The following TSC2 variants were observed in gnomAD, a reference collection of about 807,000 sequenced individuals.
TSC2 encodes the protein tuberin.
A neutral mutation model predicts 202.2 loss-of-function variants in TSC2; 29 were observed. The observed-to-expected ratio is 0.14, with a 90% CI of 0.11 to 0.20. TSC2 has a LOEUF of 0.20. TSC2 is among the 10% of genes least tolerant of loss of function. The pLI, the probability that TSC2 is intolerant of heterozygous loss-of-function variation, is 1.00. For synonymous variants in TSC2, 1,349 were observed against 1,044.0 expected (o/e 1.29, Z -5.63); for missense variants, 2,429 against 2,420.0 (o/e 1.00, Z -0.08).
intron 6 of TSC2, chr16:2,055,887 T>G (rs1273248982): frequency 4.1e-5 from 17 of 419,148 alleles, no homozygotes; most frequent in Admixed American, 7.6e-5. Context: ...CAAAACTCCA[T>G]CTCAAAAAAA....
At position 2,062,019 on chromosome 16, in the gene TSC2, CT is replaced by C; in HGVS notation, c.1257+12del. 1 of 1,614,034 alleles carries C rather than the reference CT, an allele frequency of 6.2e-7. No individual in the cohort carries two copies. Among genetic ancestry groups the C allele is most frequent in the Non-Finnish European group, 8.5e-7 (1 of 1,179,998 alleles). Reference sequence around the variant, plus strand: ...GCGGACCAGAGGCCTGTGAGACCCCCTCCTGGGTGGGGCCTTTGGGCTTTGG... The same window carrying C: ...GCGGACCAGAGGCCTGTGAGACCCCCCCTGGGTGGGGCCTTTGGGCTTTGG... On this transcript the variant is annotated intron_variant, in intron 12 of 41. Transcript: ENST00000219476.
chr16:2,076,305 T>G, intron 24 of TSC2, 135 bp downstream of exon 24: 2 of 1,560,222 alleles, frequency 1.3e-6, no homozygotes. Flanking sequence ...CCTGTGGCGC[T>G]GGGGGCTCTG....
In TSC2 at chr16:2,088,145, T is replaced by C. The variant is rs1567130441; in HGVS notation, c.5160+6T>C. 1 of 1,612,656 alleles carries C rather than the reference T, an allele frequency of 6.2e-7. No individual in the cohort carries two copies. Among genetic ancestry groups the C allele is most frequent in the Non-Finnish European group, 8.5e-7 (1 of 1,179,944 alleles). On this transcript the variant is annotated splice_donor_region_variant and intron_variant, in intron 40 of 41. Transcript: ENST00000219476. Reference sequence around the variant, plus strand: ...AGATGGCCCTGCACGCAAATGTGAGTGGGGGTGGGTCCAGGCGTGAGCTGG... The same window carrying C: ...AGATGGCCCTGCACGCAAATGTGAGCGGGGGTGGGTCCAGGCGTGAGCTGG...
intron 16 of TSC2, 72 bp from the exon 17 acceptor site, chr16:2,070,384 G>A (rs770942926): frequency 2.0e-5 from 32 of 1,612,416 alleles, no homozygotes; most frequent in African/African-American, 8.0e-5. Flanking sequence ...CCCCTGCTCC[G>A]GGACAAGGGT....
Position 2,074,265 on chromosome 16 carries a change from C to T in TSC2, c.2421C>T (p.Ala807=), listed in dbSNP as rs1060504089. 1.2e-6 allele frequency: 2 copies of T among 1,613,104 alleles called. No homozygotes were observed. Among genetic ancestry groups the T allele is most frequent in the Admixed American group, 1.7e-5 (1 of 60,024 alleles). The change falls in exon 22 of 42, where the codon GCC becomes GCT. Residue 807 remains alanine (A), a synonymous_variant. Transcript: ENST00000219476. ...IHRCASQCVV[A]LSICSVEMPD... is the part of the protein sequence containing the mutation. Reference sequence around the variant, plus strand: ...GCTGTGCCAGCCAGTGCGTCGTGGCCTTGTCCATCTGCAGCGTGGAGATGC... The same window carrying T: ...GCTGTGCCAGCCAGTGCGTCGTGGCTTTGTCCATCTGCAGCGTGGAGATGC...
At chr16:2,048,213 A>G (rs1479113048) in intron 1 of TSC2, 148 bp downstream of exon 1, 2 of 1,507,804 alleles carry the variant, frequency 1.3e-6, no homozygotes, top group Non-Finnish European at 9.0e-7. Flanking sequence ...GTTTTAAGTC[A>G]TGGCGGGTGC....
Position 2,084,732 on chromosome 16 carries a change from C to T in TSC2, c.4493+17C>T, listed in dbSNP as rs45517345. 475 of 1,598,292 alleles carry T rather than the reference C, an allele frequency of 3.0e-4. No homozygotes were observed. Among genetic ancestry groups the T allele is most frequent in the East Asian group, 1.2e-3 (53 of 44,884 alleles). On this transcript the variant is annotated intron_variant, in intron 34 of 41. Coordinates refer to ENST00000219476, the MANE Select transcript of TSC2 (RefSeq NM_000548.5). Reference sequence around the variant, plus strand: ...CAACCCCAGGTGGGCCTCTTGCTTCCGGGCGGGGCTCCTGACACCTCTCCT... The same window carrying T: ...CAACCCCAGGTGGGCCTCTTGCTTCTGGGCGGGGCTCCTGACACCTCTCCT...
intron 25 of TSC2, 31 bp downstream of exon 25, chr16:2,076,616 G>C (rs746799149): frequency 3.7e-6 from 6 of 1,609,730 alleles, no homozygotes; most frequent in Non-Finnish European, 5.1e-6. Flanking sequence ...CCTGGAGTCG[G>C]TGTGGGGTGG....
intron 10 of TSC2, 91 bp from the exon 11 acceptor site, chr16:2,060,579 G>C: frequency 6.2e-7 from 1 of 1,604,918 alleles, no homozygotes; most frequent in East Asian, 2.2e-5. Flanking sequence ...GCGCTCAGGC[G>C]TGCTACTCTC....
intron 2 of TSC2, among the ~76,000 whole-genome samples, chr16:2,050,050 G>C (rs2084910469): frequency 6.6e-6 from 1 of 151,322 alleles, no homozygotes; most frequent in South Asian, 2.1e-4. Context: ...CCGCCTCCTG[G>C]GTTCAAGGGA....
At chr16:2,074,622 G>A (rs980094621) in intron 22 of TSC2, 1 of 597,504 alleles carries the variant, frequency 1.7e-6, no homozygotes, top group African/African-American at 1.8e-5. Flanking sequence ...CCTTGAAGAA[G>A]CCTCTTCCCC....
Position 2,084,432 on chromosome 16 carries a change from A to G in TSC2, c.4210A>G (p.Lys1404Glu), listed in dbSNP as rs1384101814. Residue 1404 changes from lysine to glutamate, a missense_variant, in exon 34 of 42, where the codon AAG becomes GAG. Transcript: ENST00000219476. ...GGACATCCTCGGGGACCCTGGGGAC[A>G]AGGCCGACGTGGGCCGGCTGAGCCC... is the stretch of plus-strand genomic sequence containing the variant. ...LQDILGDPGD[K>E]ADVGRLSPEV... The G allele has an allele frequency of 1.9e-6, 3 of 1,610,460 alleles. No homozygotes were observed. The highest frequency in any genetic ancestry group is 2.7e-5 in the African/African-American group (2 of 74,844).
intron 14 of TSC2, 92 bp downstream of exon 14, chr16:2,063,145 C>A (rs2086851694): frequency 6.8e-7 from 1 of 1,467,164 alleles, no homozygotes. Flanking sequence ...CAGAGCCGGG[C>A]TCTGCCTGGG....
At chr16:2,082,089 G>A (rs113005656) in intron 31 of TSC2, 227 of 590,496 alleles carry the variant, frequency 3.8e-4, no homozygotes, top group African/African-American at 3.3e-3. Context: ...GAGGCTCTGC[G>A]GCAGCCTCCC....
chr16:2,074,157 C>T (rs936516815), intron 21 of TSC2, 43 bp from the exon 22 acceptor site: 4 of 1,608,406 alleles, frequency 2.5e-6, no homozygotes, highest in Admixed American at 3.3e-5. Flanking sequence ...GAGGCTGCCT[C>T]TGCTGCAAGC....
chr16:2,057,132 C>T lies in TSC2; in HGVS notation c.802C>T (p.Leu268=), dbSNP rs1396943042. The change falls in exon 9 of 42, where the codon CTG becomes TTG. Residue 268 remains leucine, a synonymous_variant. Coordinates refer to ENST00000219476, the MANE Select transcript of TSC2 (RefSeq NM_000548.5). ...KLMRNLLGTH[L]GHSAIYNMCH... Reference sequence around the variant, plus strand: ...GATGCGGAACCTCCTTGGCACCCACCTGGGCCACAGCGCCATCTACAACAT... The same window carrying T: ...GATGCGGAACCTCCTTGGCACCCACTTGGGCCACAGCGCCATCTACAACAT... 6.4e-7 allele frequency: 1 copy of T among 1,551,670 alleles called. No homozygotes were observed. The highest frequency in any genetic ancestry group is 8.7e-7 in the Non-Finnish European group (1 of 1,147,026).
chr16:2,082,476 A>G lies in TSC2; in HGVS notation c.3855A>G (p.Gly1285=), dbSNP rs891262541. The G allele has an allele frequency of 3.1e-6, 5 of 1,612,030 alleles. No individual in the cohort carries two copies. The highest frequency in any genetic ancestry group is 4.2e-6 in the Non-Finnish European group (5 of 1,180,002). ...CCCTGTACCAGTCCAGCTGCCAAGGACAGCTGCACAGGAGCGTTTCCTGGG... is the reference window on the plus strand; with the variant it reads ...CCCTGTACCAGTCCAGCTGCCAAGGGCAGCTGCACAGGAGCGTTTCCTGGG... ...FSSLYQSSCQ[G]QLHRSVSWAD... is the part of the protein sequence containing the mutation. Residue 1285 remains glycine (G), a synonymous_variant, in exon 32 of 42, where the codon GGA becomes GGG. Transcript: ENST00000219476.
In TSC2 at chr16:2,088,699, A is replaced by C. The variant is rs2091240949; in HGVS notation, c.*89A>C. 6.7e-7 allele frequency: 1 copy of C among 1,484,090 alleles called. No individual in the cohort carries two copies. Among genetic ancestry groups the C allele is most frequent in the Non-Finnish European group, 9.1e-7 (1 of 1,104,714 alleles). 91.9% of individuals were successfully genotyped at this position (1,484,090 alleles called of 1,614,324 possible). A position where few individuals can be genotyped will look rare whatever the true frequency, so the allele number is the denominator to read the frequency against. ...TCCTGACCCCAGTGCACAGACATAG[A>C]GGCACAGATTGCAGTCAGACAGCTC... On this transcript the variant is annotated 3_prime_UTR_variant, in exon 42 of 42. Coordinates refer to ENST00000219476, the MANE Select transcript of TSC2 (RefSeq NM_000548.5).
intron 19 of TSC2, 93 bp from the exon 20 acceptor site, chr16:2,072,148 C>G: frequency 1.2e-6 from 2 of 1,600,680 alleles, no homozygotes; most frequent in Non-Finnish European, 1.7e-6. Flanking sequence ...GCCCTTGACG[C>G]TGTGCAGCCA....
Sources: gnomAD v4.1 joint callset for allele counts (sites outside exome capture counted in the v4.1 genomes callset) on GRCh38, gnomAD v4.1.1 for gene constraint, MANE v1.5 for transcripts, NCBI Gene and HGNC (gene_info 2026-07-23, HGNC 2026-07-21) for gene names.